The following LRRC58 variants were observed in gnomAD, a reference collection of about 807,000 sequenced individuals.
LRRC58 encodes the protein leucine-rich repeat-containing protein 58.
A neutral mutation model predicts 30.6 loss-of-function variants in LRRC58; 18 were observed. The ratio of observed to expected loss-of-function variants is 0.59; its 90% CI spans 0.41 to 0.87. The LOEUF (loss-of-function observed/expected upper bound fraction) is 0.87, where lower values mean the gene tolerates loss of function less well. Ranked by LOEUF, LRRC58 falls within the 40% of genes least tolerant of loss-of-function variation. The pLI, the probability that LRRC58 is intolerant of heterozygous loss-of-function variation, is 0.00. For missense variants in LRRC58, 420 were observed against 468.4 expected (o/e 0.90, Z 0.95); for synonymous variants, 221 against 206.0 (o/e 1.07, Z -0.62).
rs1935720365 is a variant in LRRC58, at chr3:120,329,113, G to T, written c.*2087C>A. ...GAAGACTACTCAAGCAGTTACTTAA[G>T]TCAAGCTGGTAATTGATTAGGAAGT... On this transcript the variant is annotated 3_prime_UTR_variant, in exon 4 of 4. Transcript: ENST00000295628. 6.6e-6 allele frequency: 1 copy of T among 152,002 alleles called. No homozygotes were observed. Among genetic ancestry groups the T allele is most frequent in the African/African-American group, 2.4e-5 (1 of 41,432 alleles). The allele number at this position is 152,002 out of a possible 1,614,324, so 9.4% of individuals were successfully genotyped here. A position where few individuals can be genotyped will look rare whatever the true frequency, so the allele number is the denominator to read the frequency against.
At chr3:120,333,391 C>T (rs539201867) in intron 3 of LRRC58, among the ~76,000 whole-genome samples, 9 of 152,336 alleles carry the variant, frequency 5.9e-5, no homozygotes, top group Admixed American at 3.9e-4. Context: ...TCCTCTGTCA[C>T]TGTGAAAGCT....
intron 1 of LRRC58, among the ~76,000 whole-genome samples, chr3:120,345,213 G>A (rs769551365): frequency 6.6e-6 from 1 of 152,160 alleles, no homozygotes; most frequent in Non-Finnish European, 1.5e-5. Flanking sequence ...CACCAATTAA[G>A]CCATAAGTAT....
In LRRC58 at chr3:120,348,787, T is replaced by A. The variant is rs760376963; in HGVS notation, c.457A>T (p.Asn153Tyr). ...TCAGCCGGGATGCTCTGCAGTTGGT[T>A]GCCGCCCAGGCTCAGGGTCTGCAGC... ...RALQTLSLGG[N>Y]QLQSIPAEIE... Residue 153 changes from asparagine (N) to tyrosine (Y), a missense_variant, in exon 1 of 4, where the codon AAC becomes TAC. By Grantham distance (143) the Asn-to-Tyr change is moderately radical. This residue lies in a region of LRRC58 where 266 missense variants were observed against 251.7 expected (regional missense o/e 1.06). Transcript: ENST00000295628. The A allele has an allele frequency of 1.5e-5, 24 of 1,605,904 alleles. No individual in the cohort carries two copies. The highest frequency in any genetic ancestry group is 2.0e-5 in the Non-Finnish European group (23 of 1,176,932).
Position 120,330,501 on chromosome 3 carries a change from C to A in LRRC58, c.*699G>T, listed in dbSNP as rs952602555. The A allele has an allele frequency of 6.6e-6, 1 of 152,088 alleles. No homozygotes were observed. The highest frequency in any genetic ancestry group is 1.5e-5 in the Non-Finnish European group (1 of 67,986). The allele number at this position is 152,088 out of a possible 1,614,324, so 9.4% of individuals were successfully genotyped here. ...TCTTGAATACATTTTTATATCCTTGCTGGATTAAGGCACTATAACAGTCAT... is the reference window on the plus strand; with the variant it reads ...TCTTGAATACATTTTTATATCCTTGATGGATTAAGGCACTATAACAGTCAT... On this transcript the variant is annotated 3_prime_UTR_variant, in exon 4 of 4. Transcript: ENST00000295628.
chr3:120,338,350 T>A (rs1935861373), intron 1 of LRRC58, among the ~76,000 whole-genome samples: 1 of 152,200 alleles, frequency 6.6e-6, no homozygotes, highest in African/African-American at 2.4e-5. Flanking sequence ...AAATGCCCAG[T>A]TAACAAATAT....
At chr3:120,332,347 A>T (rs1004554088) in intron 3 of LRRC58, among the ~76,000 whole-genome samples, 1 of 152,158 alleles carries the variant, frequency 6.6e-6, no homozygotes, top group African/African-American at 2.4e-5. Context: ...AAAACAATGA[A>T]TTCTACTTCT....
intron 3 of LRRC58, 53 bp from the exon 4 acceptor site, chr3:120,331,461 CT>C: frequency 1.5e-6 from 2 of 1,377,362 alleles, no homozygotes; most frequent in Non-Finnish European, 1.0e-6. Context: ...GAATCAATTT[CT>C]TTTTCAGCCC....
At position 120,325,673 on chromosome 3, in the gene LRRC58, A is replaced by C. The variant is rs1935664232; in HGVS notation, c.*5527T>G. 6.6e-6 allele frequency: 1 copy of C among 152,228 alleles called. No individual in the cohort carries two copies. Among genetic ancestry groups the C allele is most frequent in the Non-Finnish European group, 1.5e-5 (1 of 68,040 alleles). The allele number at this position is 152,228 out of a possible 1,614,324, so 9.4% of individuals were successfully genotyped here. ...AGATATTTACATACAAAAGTATTCAAACATGTCTCACTTTCAACCTATATT... is the reference window on the plus strand; with the variant it reads ...AGATATTTACATACAAAAGTATTCACACATGTCTCACTTTCAACCTATATT... On this transcript the variant is annotated 3_prime_UTR_variant, in exon 4 of 4. Transcript: ENST00000295628.
At chr3:120,348,059 A>C (rs900349794) in intron 1 of LRRC58, among the ~76,000 whole-genome samples, 1 of 152,184 alleles carries the variant, frequency 6.6e-6, no homozygotes, top group Non-Finnish European at 1.5e-5. Flanking sequence ...TAACGAAAAA[A>C]ATTGTTGTGC....
chr3:120,349,095 A>AGCAGCC lies in LRRC58; in HGVS notation c.143_148dup (p.Arg48_Leu49dup), dbSNP rs996225216. The AGCAGCC allele has an allele frequency of 2.0e-6, 3 of 1,511,884 alleles. No homozygotes were observed. Among genetic ancestry groups the AGCAGCC allele is most frequent in the African/African-American group, 2.9e-5 (2 of 69,314 alleles). The allele number at this position is 1,511,884 out of a possible 1,614,324, so 93.7% of individuals were successfully genotyped here. On this transcript the variant is annotated inframe_insertion, in exon 1 of 4. Coordinates refer to ENST00000295628, the MANE Select transcript of LRRC58 (RefSeq NM_001099678.2). Reference sequence around the variant, plus strand: ...CGACACCAGACGGTTGTGAGGCAGCAGCAGCCGCAGCAGCGCCTCCCGCGC... The same window carrying AGCAGCC: ...CGACACCAGACGGTTGTGAGGCAGCAGCAGCCGCAGCCGCAGCAGCGCCTCCCGCGC...
intron 2 of LRRC58, among the ~76,000 whole-genome samples, chr3:120,335,362 T>C (rs1017613650): frequency 6.6e-6 from 1 of 152,228 alleles, no homozygotes; most frequent in African/African-American, 2.4e-5. Context: ...TTTAGAATAC[T>C]TAGAGAATGT....
Position 120,330,636 on chromosome 3 carries a change from C to T in LRRC58, c.*564G>A, listed in dbSNP as rs1257087867. ...TGCCTTACTTTACCAGTTAGTTTGT[C>T]AGAAAGGTTTGTCCCATGTAACCAT... On this transcript the variant is annotated 3_prime_UTR_variant, in exon 4 of 4. Transcript: ENST00000295628. The T allele has an allele frequency of 6.6e-6, 1 of 152,320 alleles. No homozygotes were observed. The highest frequency in any genetic ancestry group is 1.5e-5 in the Non-Finnish European group (1 of 68,184). 9.4% of individuals were successfully genotyped at this position (152,320 alleles called of 1,614,324 possible). A position where few individuals can be genotyped will look rare whatever the true frequency, so the allele number is the denominator to read the frequency against.
chr3:120,331,731 A>C (rs534092685), intron 3 of LRRC58, among the ~76,000 whole-genome samples: 3 of 152,226 alleles, frequency 2.0e-5, no homozygotes, highest in Admixed American at 6.5e-5. Context: ...CCCTTTCTCT[A>C]TTACCCAAGC....
chr3:120,334,776 C>G, intron 3 of LRRC58, 86 bp downstream of exon 3: 6 of 1,234,074 alleles, frequency 4.9e-6, no homozygotes, highest in Non-Finnish European at 6.6e-6. Context: ...GGAACAGAAA[C>G]AGAGACTGCT....
Position 120,325,802 on chromosome 3 carries a change from A to G in LRRC58, c.*5398T>C, listed in dbSNP as rs1935665855. 1.3e-5 allele frequency: 2 copies of G among 152,240 alleles called. No individual in the cohort carries two copies. The highest frequency in any genetic ancestry group is 2.9e-5 in the Non-Finnish European group (2 of 68,036). The allele number at this position is 152,240 out of a possible 1,614,324, so 9.4% of individuals were successfully genotyped here. A position where few individuals can be genotyped will look rare whatever the true frequency, so the allele number is the denominator to read the frequency against. ...ACTGCTGTCATTCTTTGGTGGCACC[A>G]GATAAATTTTTTAAATAATATATAA... is the stretch of plus-strand genomic sequence containing the variant. On this transcript the variant is annotated 3_prime_UTR_variant, in exon 4 of 4. Transcript: ENST00000295628.
At chr3:120,336,872 T>C (rs1246200040) in intron 1 of LRRC58, among the ~76,000 whole-genome samples, 1 of 147,838 alleles carries the variant, frequency 6.8e-6, no homozygotes, top group Non-Finnish European at 1.5e-5. Flanking sequence ...TATTTATATA[T>C]ATTATACTAT....
chr3:120,348,568 C>A (rs1403893433), intron 1 of LRRC58, among the ~76,000 whole-genome samples, 176 bp downstream of exon 1: 1 of 152,222 alleles, frequency 6.6e-6, no homozygotes, highest in East Asian at 1.9e-4. Context: ...CACATGCGAA[C>A]ATACTAGGTA....
chr3:120,339,368 C>T (rs531720350), intron 1 of LRRC58, among the ~76,000 whole-genome samples: 1 of 152,266 alleles, frequency 6.6e-6, no homozygotes, highest in East Asian at 1.9e-4. Context: ...CCAATCAGTA[C>T]ATTGATTCAG....
At chr3:120,348,314 G>A (rs890414236) in intron 1 of LRRC58, among the ~76,000 whole-genome samples, 7 of 152,180 alleles carry the variant, frequency 4.6e-5, no homozygotes, top group African/African-American at 1.7e-4. Context: ...AGAAGAGGAA[G>A]CTGCAAATGT....
Sources: gnomAD v4.1 joint callset for allele counts (sites outside exome capture counted in the v4.1 genomes callset) on GRCh38, gnomAD v4.1.1 for gene constraint, gnomAD v4.1.1 regional missense constraint, MANE v1.5 for transcripts, NCBI Gene and HGNC (gene_info 2026-07-23, HGNC 2026-07-21) for gene names.